CNTNAP5: variants seen among roughly 807,000 people sequenced by gnomAD.
CNTNAP5 encodes contactin-associated protein-like 5.
CNTNAP5 carries 72 observed loss-of-function variants against 150.2 expected under a neutral mutation model. That is an observed-to-expected ratio of 0.48 (90% CI 0.40 to 0.58). The LOEUF (loss-of-function observed/expected upper bound fraction) is 0.58. CNTNAP5 is among the 20% of genes least tolerant of loss of function. The pLI, the probability that CNTNAP5 is intolerant of heterozygous loss-of-function variation, is 0.00. For missense variants in CNTNAP5, 1,636 were observed against 1,626.2 expected, an observed-to-expected ratio of 1.01 and a Z score of -0.10; for synonymous variants, 672 against 619.8, an observed-to-expected ratio of 1.08 and a Z score of -1.25.
intron 13 of CNTNAP5, among the ~76,000 whole-genome samples, chr2:124,649,010 C>T (rs190467004): frequency 1.3e-5 from 2 of 152,262 alleles, no homozygotes; most frequent in South Asian, 2.1e-4. Context: ...AGACGTTGTT[C>T]CACGTAATTG....
intron 19 of CNTNAP5, among the ~76,000 whole-genome samples, chr2:124,809,233 C>A (rs78610544): frequency 6.6e-6 from 1 of 152,016 alleles, no homozygotes; most frequent in Non-Finnish European, 1.5e-5. Context: ...GTACTTTCAC[C>A]AGCCTTCCAA....
chr2:124,845,340 A>G (rs567245329), intron 19 of CNTNAP5, among the ~76,000 whole-genome samples: 3 of 151,756 alleles, frequency 2.0e-5, no homozygotes, highest in Admixed American at 6.6e-5. Flanking sequence ...CTACTTGATC[A>G]TGGTGGATTA....
chr2:124,707,521 A>G (rs1679717130), intron 13 of CNTNAP5, among the ~76,000 whole-genome samples: 1 of 152,224 alleles, frequency 6.6e-6, no homozygotes, highest in Non-Finnish European at 1.5e-5. Flanking sequence ...AGGAAAAAAA[A>G]TCCTTCACAT....
At chr2:124,641,192 C>T (rs1014274466) in intron 12 of CNTNAP5, among the ~76,000 whole-genome samples, 42 of 150,990 alleles carry the variant, frequency 2.8e-4, no homozygotes, top group African/African-American at 9.2e-4. Context: ...GCCAGCACCA[C>T]GCTCAGTTCA....
At chr2:124,690,860 A>G (rs1319423849) in intron 13 of CNTNAP5, among the ~76,000 whole-genome samples, 1 of 152,072 alleles carries the variant, frequency 6.6e-6, no homozygotes, top group Non-Finnish European at 1.5e-5. Context: ...AAAATTTATC[A>G]TGTCTTAGTG....
At chr2:124,435,798 A>C (rs1692517231) in intron 5 of CNTNAP5, among the ~76,000 whole-genome samples, 1 of 152,188 alleles carries the variant, frequency 6.6e-6, no homozygotes, top group South Asian at 2.1e-4. Flanking sequence ...GGCATTTCTG[A>C]GGATCTTCTT....
intron 1 of CNTNAP5, among the ~76,000 whole-genome samples, chr2:124,139,174 A>C (rs1387378254): frequency 4.6e-5 from 7 of 151,888 alleles, no homozygotes; most frequent in Non-Finnish European, 1.0e-4. Flanking sequence ...AAGCTTTCTA[A>C]TCTTTGATCA....
At chr2:124,145,811 T>TAAAAAAAAAAAA (rs761766577) in intron 1 of CNTNAP5, among the ~76,000 whole-genome samples, 4 of 12,776 alleles carry the variant, frequency 3.1e-4, no homozygotes, top group African/African-American at 4.4e-4. Context: ...AAAAAAAACA[T>TAAAAAAAAAAAA]TAAAAAAAAA....
Position 124,417,481 on chromosome 2 carries a change from C to G in CNTNAP5, c.420C>G (p.His140Gln). 6.2e-7 allele frequency: 1 copy of G among 1,613,914 alleles called. No homozygotes were observed. The highest frequency in any genetic ancestry group is 1.1e-5 in the South Asian group (1 of 91,036). ...ACATGAATGCTGACAGCGTGGTGCACCACAAGCTATTGCACTCAGTGAGAG... is the reference window on the plus strand; with the variant it reads ...ACATGAATGCTGACAGCGTGGTGCAGCACAAGCTATTGCACTCAGTGAGAG... Reference protein sequence around the residue: ...AGNMNADSVVHHKLLHSVRAR... With the variant: ...AGNMNADSVVQHKLLHSVRAR... The change falls in exon 4 of 24, where the codon CAC (histidine) becomes CAG (glutamine). Residue 140 changes from histidine to glutamine, a missense_variant. By Grantham distance (24) the His-to-Gln change is conservative (BLOSUM62 0). Transcript: ENST00000682447.
Position 124,783,556 on chromosome 2 carries a change from T to C in CNTNAP5, c.2753-6346T>C, listed in dbSNP as rs138247026. Among the ~76,000 whole-genome samples the C allele has an allele frequency of 1.2e-3, 181 of 152,276 alleles. 1 individual carries two copies. The highest frequency in any genetic ancestry group is 3.7e-3 in the African/African-American group (152 of 41,566). ...GCTCTTGATATGGATTGATGAATTA[T>C]TATTCACAAGTCTTTCACAACATTT... On this transcript the variant is annotated intron_variant, in intron 17 of 23. Transcript: ENST00000682447.
intron 13 of CNTNAP5, among the ~76,000 whole-genome samples, chr2:124,655,999 A>AAAGAAAGAAAGAAAGAAAG (rs1317556643): frequency 1.1e-5 from 1 of 90,628 alleles, no homozygotes; most frequent in Admixed American, 1.2e-4. Context: ...AAGAAAGAAA[A>AAAGAAAGAAAGAAAGAAAG]AAGGAAGGAA....
intron 10 of CNTNAP5, among the ~76,000 whole-genome samples, chr2:124,544,622 T>G (rs1301351079): frequency 6.6e-6 from 1 of 152,194 alleles, no homozygotes; most frequent in East Asian, 1.9e-4. Flanking sequence ...CTTAACATCT[T>G]GTTACTATTG....
intron 1 of CNTNAP5, among the ~76,000 whole-genome samples, chr2:124,153,212 A>T (rs1370817574): frequency 6.6e-6 from 1 of 152,250 alleles, no homozygotes; most frequent in African/African-American, 2.4e-5. Flanking sequence ...CAAACTGAAA[A>T]TTAGGAAAAG....
chr2:124,626,907 C>T (rs546119986), intron 12 of CNTNAP5, among the ~76,000 whole-genome samples: 1 of 152,064 alleles, frequency 6.6e-6, no homozygotes, highest in Non-Finnish European at 1.5e-5. Context: ...TTTAGTTTTC[C>T]CCTGACAGTG....
chr2:124,164,506 C>A lies in CNTNAP5; in HGVS notation c.83-57199C>A, dbSNP rs527429841. Among the ~76,000 whole-genome samples, 8 of 152,272 alleles carry A rather than the reference C, an allele frequency of 5.3e-5. No homozygotes were observed. The East Asian group carries it at 7.7e-4, about 15-fold the overall frequency. ...CTTTTCTTTCCTCCTGAAATAATAT[C>A]TCTTTGAGGAAGTGACATTTGAACA... On this transcript the variant is annotated intron_variant, in intron 1 of 23. Transcript: ENST00000682447.
At chr2:124,667,022 AT>A (rs1431414624) in intron 13 of CNTNAP5, among the ~76,000 whole-genome samples, 6 of 102,644 alleles carry the variant, frequency 5.8e-5, no homozygotes, top group Admixed American at 3.5e-4. Flanking sequence ...AAGAAGAACG[AT>A]GGGGGAAACA....
chr2:124,204,752 G>T (rs568597496), intron 1 of CNTNAP5, among the ~76,000 whole-genome samples: 2 of 152,158 alleles, frequency 1.3e-5, no homozygotes, highest in South Asian at 4.2e-4. Context: ...ACTATCATGA[G>T]AGCAGCACAG....
intron 1 of CNTNAP5, among the ~76,000 whole-genome samples, chr2:124,105,261 C>T (rs541260774): frequency 6.6e-6 from 1 of 152,318 alleles, no homozygotes; most frequent in South Asian, 2.1e-4. Flanking sequence ...GACATTTAGA[C>T]TGTGACTAAT....
At position 124,580,977 on chromosome 2, in the gene CNTNAP5, G is replaced by T. The variant is rs560863881; in HGVS notation, c.1756+17654G>T. Among the ~76,000 whole-genome samples, 419 of 152,284 alleles carry T rather than the reference G, an allele frequency of 2.8e-3. 2 individuals carry two copies. The highest frequency in any genetic ancestry group is 5.0e-3 in the Non-Finnish European group (340 of 68,022). On this transcript the variant is annotated intron_variant, in intron 11 of 23. Transcript: ENST00000682447. ...AATGTGTGGAGCACAGGGGGAACGGGAGTCATTGGAAGTAGAGGGAATGCC... is the reference window on the plus strand; with the variant it reads ...AATGTGTGGAGCACAGGGGGAACGGTAGTCATTGGAAGTAGAGGGAATGCC...
Sources: allele counts gnomAD v4.1 joint callset (sites outside exome capture counted in the v4.1 genomes callset), GRCh38; gene constraint gnomAD v4.1.1; transcripts MANE v1.5; gene names NCBI Gene and HGNC (gene_info 2026-07-23, HGNC 2026-07-21).